BMP1: variants seen among roughly 807,000 people sequenced by gnomAD.
The protein encoded by BMP1 is mammalian tolloid protein.
Under a neutral mutation model 116.8 loss-of-function variants are expected in BMP1, and 63 were observed. The observed-to-expected ratio is 0.54, with a 90% CI of 0.44 to 0.67. The LOEUF (loss-of-function observed/expected upper bound fraction) is 0.67. Ranked by LOEUF, BMP1 falls within the 30% of genes least tolerant of loss-of-function variation. The pLI, the probability that BMP1 is intolerant of heterozygous loss-of-function variation, is 0.00. For synonymous variants in BMP1, 536 were observed against 533.4 expected (o/e 1.00, Z -0.07); for missense variants, 1,183 against 1,358.9 (o/e 0.87, Z 2.04).
chr8:22,166,669 G>T (rs1828122877), intron 1 of BMP1, among the ~76,000 whole-genome samples: 1 of 152,222 alleles, frequency 6.6e-6, no homozygotes, highest in African/African-American at 2.4e-5. Context: ...GGGGCAGGTT[G>T]CTCTAGTCCT....
At chr8:22,211,573 C>G in intron 19 of BMP1, 21 bp from the exon 20 acceptor site, 2 of 1,614,056 alleles carry the variant, frequency 1.2e-6, no homozygotes, top group Non-Finnish European at 1.7e-6. Context: ...TCCACCTTAC[C>G]CCATCTCTTT....
chr8:22,207,549 G>A (rs1291439164), intron 18 of BMP1, 33 bp downstream of exon 18: 1 of 1,605,292 alleles, frequency 6.2e-7, no homozygotes, highest in Non-Finnish European at 8.5e-7. Flanking sequence ...TGTTCACTGA[G>A]CCTGGTCTCC....
At position 22,201,850 on chromosome 8, in the gene BMP1, G is replaced by A. The variant is rs11996036; in HGVS notation, c.2155G>A (p.Val719Ile). ...TAACGGCGGCTGCCAGCAGGACTGC[G>A]TCAACACGTTCGGCAGTTATGAGTG... ...KDNGGCQQDC[V>I]NTFGSYECQC... Residue 719 changes from valine (V) to isoleucine (I), a missense_variant, in exon 16 of 20, where the codon GTC (valine) becomes ATC (isoleucine). Transcript: ENST00000306385. 0.057 allele frequency: 92,273 copies of A among 1,613,630 alleles called. 2,943 individuals carry two copies. Among genetic ancestry groups the A allele is most frequent in the African/African-American group, 0.11 (7,942 of 75,036 alleles).
chr8:22,195,656 T>A, intron 13 of BMP1, 69 bp downstream of exon 13: 10 of 1,567,718 alleles, frequency 6.4e-6, no homozygotes, highest in Non-Finnish European at 8.6e-6. Flanking sequence ...CAGAATTTTT[T>A]TTTTTTTTAG....
intron 8 of BMP1, among the ~76,000 whole-genome samples, chr8:22,191,527 T>C (rs1586457266): frequency 6.6e-6 from 1 of 152,292 alleles, no homozygotes; most frequent in East Asian, 1.9e-4. Context: ...GGCTTAAGCC[T>C]GGGAGGTGGA....
At chr8:22,204,723 C>T (rs556800510) in intron 16 of BMP1, among the ~76,000 whole-genome samples, 8 of 150,764 alleles carry the variant, frequency 5.3e-5, no homozygotes, top group Non-Finnish European at 1.0e-4. Flanking sequence ...ACCCTGTCCC[C>T]CCCCACCCCG....
chr8:22,204,819 C>T (rs10098333), intron 16 of BMP1, among the ~76,000 whole-genome samples: 8 of 151,074 alleles, frequency 5.3e-5, no homozygotes, highest in Non-Finnish European at 1.2e-4. Context: ...GGAGACCTGC[C>T]GTGAGAGTGT....
At chr8:22,199,434 C>T (rs1829194592) in intron 15 of BMP1, 3 of 1,234,682 alleles carry the variant, frequency 2.4e-6, no homozygotes, top group Admixed American at 3.0e-5. Context: ...TCCTCCACCC[C>T]ACCCCCCTGC....
chr8:22,209,568 A>G lies in BMP1; in HGVS notation c.2699A>G (p.Tyr900Cys). ...TGGGTCATTGTGGCCGAGGAAGGCT[A>G]CGGCGTGGAGCTCGTGTTCCAGACC... ...CEWVIVAEEG[Y>C]GVELVFQTFE... The change falls in exon 19 of 20, where the codon TAC becomes TGC. Residue 900 changes from tyrosine to cysteine, a missense_variant. Around this residue, in one of 4 missense-constraint regions of BMP1, gnomAD observed 956 missense variants for 1,135.2 expected, o/e 0.84. Coordinates refer to ENST00000306385, the MANE Select transcript of BMP1 (RefSeq NM_006129.5). The G allele has an allele frequency of 1.2e-6, 2 of 1,614,216 alleles. No homozygotes were observed. The highest frequency in any genetic ancestry group is 1.7e-6 in the Non-Finnish European group (2 of 1,180,036).
chr8:22,166,051 G>A (rs770569757), intron 1 of BMP1, among the ~76,000 whole-genome samples: 42 of 152,046 alleles, frequency 2.8e-4, no homozygotes, highest in Non-Finnish European at 5.3e-4. Context: ...CAAGGAGCAG[G>A]TCCCCCAGCC....
intron 8 of BMP1, among the ~76,000 whole-genome samples, chr8:22,185,928 C>T (rs1195450929): frequency 1.3e-5 from 2 of 151,416 alleles, no homozygotes; most frequent in South Asian, 2.1e-4. Context: ...CTCCGCCTCC[C>T]GGGTTCAAGT....
intron 8 of BMP1, among the ~76,000 whole-genome samples, chr8:22,184,036 G>A (rs530509766): frequency 6.6e-6 from 1 of 152,312 alleles, no homozygotes; most frequent in East Asian, 1.9e-4. Context: ...ACAAGAGTTG[G>A]TGATTTCAAT....
At position 22,212,180 on chromosome 8, in the gene BMP1, A is replaced by C. The variant is rs117522390; in HGVS notation, c.*452A>C. 2.8e-3 allele frequency: 502 copies of C among 179,624 alleles called. 1 individual carries two copies. Among genetic ancestry groups the C allele is most frequent in the Non-Finnish European group, 4.7e-3 (389 of 83,050 alleles). The allele number at this position is 179,624 out of a possible 1,614,324, so 11.1% of individuals were successfully genotyped here. On this transcript the variant is annotated 3_prime_UTR_variant, in exon 20 of 20. Coordinates refer to ENST00000306385, the MANE Select transcript of BMP1 (RefSeq NM_006129.5). ...TTCCACCACCCCAGTTTCCTGGGGC[A>C]CAAGTGTCTGTGCATGTCCCCCAGG...
intron 8 of BMP1, among the ~76,000 whole-genome samples, chr8:22,186,046 G>A (rs968211425): frequency 6.6e-6 from 1 of 151,722 alleles, no homozygotes; most frequent in Non-Finnish European, 1.5e-5. Flanking sequence ...ATGTTGGCCA[G>A]GCTGGTCTCG....
At chr8:22,174,192 G>A (rs1004170911) in intron 2 of BMP1, among the ~76,000 whole-genome samples, 2 of 152,132 alleles carry the variant, frequency 1.3e-5, no homozygotes, top group Admixed American at 6.6e-5. Context: ...GCAAATTTCT[G>A]TGCATCCTCT....
chr8:22,199,082 C>T (rs1472674626), intron 15 of BMP1: 1 of 1,367,032 alleles, frequency 7.3e-7, no homozygotes, highest in Non-Finnish European at 9.8e-7. Flanking sequence ...CTGCTCTGCC[C>T]CCATGCCCTG....
chr8:22,176,380 C>T, intron 3 of BMP1, 67 bp downstream of exon 3: 3 of 1,564,518 alleles, frequency 1.9e-6, no homozygotes, highest in Non-Finnish European at 2.6e-6. Context: ...GCAGCCCTGC[C>T]AGGCACGGAG....
intron 1 of BMP1, 33 bp downstream of exon 1, chr8:22,165,586 A>G: frequency 2.6e-6 from 4 of 1,529,784 alleles, no homozygotes; most frequent in Non-Finnish European, 3.5e-6. Flanking sequence ...GCGACGGGCC[A>G]GGCGGGGAGG....
intron 1 of BMP1, among the ~76,000 whole-genome samples, chr8:22,165,880 T>TGA (rs1828084680): frequency 7.3e-6 from 1 of 136,772 alleles, no homozygotes. Context: ...CTCCTGTGCG[T>TGA]GCGTGTGTGT....
Sources: allele counts gnomAD v4.1 joint callset (sites outside exome capture counted in the v4.1 genomes callset), GRCh38; gene constraint gnomAD v4.1.1; regional missense constraint gnomAD v4.1.1; transcripts MANE v1.5; gene names NCBI Gene and HGNC (gene_info 2026-07-23, HGNC 2026-07-21).